CACNA2D4: variants seen among roughly 807,000 people sequenced by gnomAD.
CACNA2D4 encodes calcium voltage-gated channel auxiliary subunit alpha2delta 4.
In CACNA2D4, 157 loss-of-function variants were observed where a neutral mutation model predicts 163.8. The observed-to-expected ratio is 0.96, with a 90% CI of 0.84 to 1.09. CACNA2D4 has a LOEUF of 1.09. Ranked by LOEUF, CACNA2D4 falls within the 50% of genes least tolerant of loss-of-function variation. The pLI is 0.00. For missense variants in CACNA2D4, 1,410 were observed against 1,479.9 expected, an observed-to-expected ratio of 0.95 and a Z score of 0.78; for synonymous variants, 598 against 586.9, an observed-to-expected ratio of 1.02 and a Z score of -0.27.
Position 1,904,011 on chromosome 12 carries a change from G to A in CACNA2D4, c.781+3429C>T, listed in dbSNP as rs117604992. 3.6e-3 allele frequency among the ~76,000 whole-genome samples: 550 copies of A among 152,134 alleles called. 18 individuals are homozygous for A. The East Asian group carries it at 0.079, about 22-fold the overall frequency. ...TAGAAGAATGGATAAAGAAAATGTG[G>A]TACATGTATACAATGGAGTACTATT... is the stretch of plus-strand genomic sequence containing the variant. On this transcript the variant is annotated intron_variant, in intron 6 of 37. Transcript: ENST00000382722.
intron 1 of CACNA2D4, 85 bp downstream of exon 1, chr12:1,918,162 G>T: frequency 1.0e-6 from 1 of 966,066 alleles, no homozygotes; most frequent in Non-Finnish European, 1.6e-6. Context: ...GGCGGGAGGA[G>T]TGGGCAGAGG....
At position 1,917,941 on chromosome 12, in the gene CACNA2D4, G is replaced by T. The variant is rs993601942; in HGVS notation, c.227+306C>A. The T allele has an allele frequency of 1.5e-5, 5 of 326,988 alleles. No homozygotes were observed. Among genetic ancestry groups the T allele is most frequent in the Non-Finnish European group, 2.2e-5 (4 of 178,292 alleles). 20.3% of individuals were successfully genotyped at this position (326,988 alleles called of 1,614,324 possible). On this transcript the variant is annotated intron_variant, in intron 1 of 37. Transcript: ENST00000382722. This position sits in a 1 kb window ranked among gnomAD's most constrained non-coding sequence, Gnocchi z 4.3. ...TCCTGAAGGAGCACCCGCCCTTCAG[G>T]TGTCCCAGAAGCTGCTTGTCAGGCC... is the stretch of plus-strand genomic sequence containing the variant.
At position 1,878,200 on chromosome 12, in the gene CACNA2D4, A is replaced by T; in HGVS notation, c.1719+115T>A. On this transcript the variant is annotated intron_variant, in intron 16 of 37. Coordinates refer to ENST00000382722, the MANE Select transcript of CACNA2D4 (RefSeq NM_172364.5). This position sits in a 1 kb window ranked among gnomAD's most constrained non-coding sequence, Gnocchi z 4.6. ...TCGAATACATTTTTTTTCTCATATT[A>T]CCCACTGGGTTCCTAAATGGAGCCC... 1.7e-6 allele frequency: 2 copies of T among 1,149,102 alleles called. No homozygotes were observed. Among genetic ancestry groups the T allele is most frequent in the Admixed American group, 2.0e-5 (1 of 49,562 alleles). 71.2% of individuals were successfully genotyped at this position (1,149,102 alleles called of 1,614,324 possible).
intron 6 of CACNA2D4, among the ~76,000 whole-genome samples, chr12:1,897,283 TTAGA>T (rs1401376679): frequency 3.3e-5 from 5 of 152,070 alleles, no homozygotes; most frequent in African/African-American, 1.2e-4. Flanking sequence ...GAGCATACAA[TTAGA>T]TAGAAGGAAT....
At chr12:1,821,822 C>A (rs1864115775) in intron 26 of CACNA2D4, among the ~76,000 whole-genome samples, 1 of 152,156 alleles carries the variant, frequency 6.6e-6, no homozygotes, top group African/African-American at 2.4e-5. Flanking sequence ...CAGTTGGCGG[C>A]CCTGTCTCTC....
chr12:1,865,569 G>C (rs772721990), intron 18 of CACNA2D4, among the ~76,000 whole-genome samples: 2 of 152,224 alleles, frequency 1.3e-5, no homozygotes, highest in Admixed American at 1.3e-4. Context: ...GTAGTTCATC[G>C]AGAAGGCAGC....
At chr12:1,803,167 T>C (rs556410813) in intron 29 of CACNA2D4, among the ~76,000 whole-genome samples, 9 of 152,350 alleles carry the variant, frequency 5.9e-5, no homozygotes, top group South Asian at 2.1e-4. Flanking sequence ...AAGCCAGGCA[T>C]TGTCTGGGTG....
At chr12:1,817,693 C>T (rs910365484) in intron 26 of CACNA2D4, among the ~76,000 whole-genome samples, 3 of 152,180 alleles carry the variant, frequency 2.0e-5, no homozygotes, top group Non-Finnish European at 4.4e-5. Flanking sequence ...GCTGTGTTGG[C>T]CGGGCTGGTC....
At chr12:1,853,860 G>T in intron 23 of CACNA2D4, 91 bp downstream of exon 23, 1 of 990,440 alleles carries the variant, frequency 1.0e-6, no homozygotes, top group Non-Finnish European at 1.6e-6. Flanking sequence ...TCTCTCCTGA[G>T]CCACCAGCCA....
At chr12:1,871,563 G>T (rs1865782273) in intron 18 of CACNA2D4, among the ~76,000 whole-genome samples, 1 of 151,496 alleles carries the variant, frequency 6.6e-6, no homozygotes, top group Non-Finnish European at 1.5e-5. Context: ...GTGTGTGCTG[G>T]TGTGTGTACG....
chr12:1,797,357 TCCG>T, intron 35 of CACNA2D4, 58 bp downstream of exon 35: 1 of 1,290,556 alleles, frequency 7.7e-7, no homozygotes. Flanking sequence ...TGCCCGCACT[TCCG>T]CCTTGCCGAG....
chr12:1,904,526 T>C (rs1467554295), intron 6 of CACNA2D4, among the ~76,000 whole-genome samples: 1 of 151,824 alleles, frequency 6.6e-6, no homozygotes, highest in Admixed American at 6.6e-5. Flanking sequence ...AATTAAAAAT[T>C]AAAAAAACAG....
chr12:1,803,871 C>T (rs944156975), intron 29 of CACNA2D4, among the ~76,000 whole-genome samples: 74 of 152,184 alleles, frequency 4.9e-4, no homozygotes, highest in African/African-American at 1.6e-3. Flanking sequence ...GGCTGAAAAC[C>T]GGCACCTCCT....
intron 6 of CACNA2D4, among the ~76,000 whole-genome samples, chr12:1,896,653 AC>A (rs1423693186): frequency 2.1e-4 from 28 of 136,054 alleles, no homozygotes; most frequent in East Asian, 1.3e-3. Context: ...ACACACACAC[AC>A]AAAACAGATG....
Position 1,811,732 on chromosome 12 carries a change from CAGAA to C in CACNA2D4, c.2552-13_2552-10del. ...CATTTGGACGCCCGCGGCTACAGGG[CAGAA>C]AGAGAGAGGGCAAGGCCAGGGAAGA... On this transcript the variant is annotated splice_polypyrimidine_tract_variant and intron_variant, in intron 26 of 37. Transcript: ENST00000382722. 5 of 1,558,326 alleles carry C rather than the reference CAGAA, an allele frequency of 3.2e-6. No individual in the cohort carries two copies. Among genetic ancestry groups the C allele is most frequent in the Non-Finnish European group, 4.3e-6 (5 of 1,150,584 alleles).
intron 8 of CACNA2D4, 91 bp downstream of exon 8, chr12:1,886,132 C>G: frequency 6.5e-7 from 1 of 1,543,424 alleles, no homozygotes; most frequent in Non-Finnish European, 9.0e-7. Context: ...ATGCAGGTCA[C>G]CGGGTGGTCA....
chr12:1,841,059 C>T (rs139284422), intron 25 of CACNA2D4, among the ~76,000 whole-genome samples: 21 of 152,386 alleles, frequency 1.4e-4, no homozygotes, highest in African/African-American at 5.0e-4. Flanking sequence ...TGCAGGGCTG[C>T]AGTGGCCCCA....
chr12:1,823,690 C>T, intron 26 of CACNA2D4, among the ~76,000 whole-genome samples: 1 of 152,170 alleles, frequency 6.6e-6, no homozygotes, highest in Admixed American at 6.5e-5. Flanking sequence ...CCCAGGACTT[C>T]AAGAAGAGAG....
At position 1,798,861 on chromosome 12, in the gene CACNA2D4, G is replaced by A. The variant is rs1039792691; in HGVS notation, c.2995+814C>T. On this transcript the variant is annotated intron_variant, in intron 34 of 37. Transcript: ENST00000382722. The surrounding 1 kb of genome is among the most constrained non-coding windows in gnomAD (Gnocchi z 4.3). The stretch of plus-strand genomic sequence containing the variant: ...TGAACACCCCAGAGCAGCCCCACCC[G>A]ATCGCGGATGTGAGTCCAGAAGGAG... 2.6e-5 allele frequency among the ~76,000 whole-genome samples: 4 copies of A among 152,172 alleles called. No individual in the cohort carries two copies. The highest frequency in any genetic ancestry group is 2.1e-4 in the South Asian group (1 of 4,826).
Sources: gnomAD v4.1 joint callset for allele counts (sites outside exome capture counted in the v4.1 genomes callset) on GRCh38, gnomAD v4.1.1 for gene constraint, Gnocchi (gnomAD v3.1) non-coding constraint, MANE v1.5 for transcripts, NCBI Gene and HGNC (gene_info 2026-07-23, HGNC 2026-07-21) for gene names.